The following GARRE1 variants were observed in gnomAD, a reference collection of about 807,000 sequenced individuals.
GARRE1 encodes granule associated Rac and RHOG effector protein 1.
A neutral mutation model predicts 103.2 loss-of-function variants in GARRE1; 49 were observed. The ratio of observed to expected loss-of-function variants is 0.47; its 90% confidence interval spans 0.38 to 0.60. The LOEUF is 0.60. Ranked by LOEUF, GARRE1 falls within the 20% of genes least tolerant of loss-of-function variation. GARRE1 has a pLI of 0.00. For synonymous variants in GARRE1, 505 were observed against 532.8 expected (o/e 0.95, Z 0.72); for missense variants, 1,199 against 1,370.5 (o/e 0.87, Z 1.98).
intron 1 of GARRE1, among the ~76,000 whole-genome samples, chr19:34,285,965 A>AGAC (rs543539864): frequency 1.3e-5 from 2 of 152,298 alleles, no homozygotes; most frequent in African/African-American, 4.8e-5. Context: ...ATACTTGAGC[A>AGAC]GTCTTGTTAG....
At chr19:34,333,666 GGTT>G (rs754059005) in intron 7 of GARRE1, 35 bp from the exon 8 acceptor site, 32 of 1,107,068 alleles carry the variant, frequency 2.9e-5, no homozygotes, top group South Asian at 2.7e-4. Context: ...TCTGAAAGCT[GGTT>G]GTTATTTGTT....
chr19:34,302,761 A>T (rs1053874699), intron 2 of GARRE1, among the ~76,000 whole-genome samples: 157 of 128,448 alleles, frequency 1.2e-3, no homozygotes, highest in African/African-American at 2.3e-3. Flanking sequence ...TTTTTTTTTT[A>T]AAAGACAGAG....
chr19:34,303,657 C>T (rs2073992181), intron 2 of GARRE1, among the ~76,000 whole-genome samples: 1 of 152,184 alleles, frequency 6.6e-6, no homozygotes, highest in South Asian at 2.1e-4. Flanking sequence ...ATCTTGTAGC[C>T]CAGGCTGGAG....
intron 7 of GARRE1, among the ~76,000 whole-genome samples, chr19:34,333,171 TGAGTA>T (rs1369799220): frequency 6.6e-6 from 1 of 152,150 alleles, no homozygotes; most frequent in African/African-American, 2.4e-5. Context: ...CTCAGCCTCC[TGAGTA>T]GCTTGGACTG....
At chr19:34,345,729 C>T (rs1407451134) in intron 10 of GARRE1, among the ~76,000 whole-genome samples, 3 of 152,080 alleles carry the variant, frequency 2.0e-5, no homozygotes, top group Non-Finnish European at 4.4e-5. Context: ...GGCTGAGGCA[C>T]GAGAATTACT....
rs74806098 is a variant in GARRE1, at chr19:34,332,511, G to A, written c.1264-1193G>A. 1.2e-3 allele frequency among the ~76,000 whole-genome samples: 175 copies of A among 152,116 alleles called. 3 individuals carry two copies. The East Asian group carries it at 0.024, about 21-fold the overall frequency. On this transcript the variant is annotated intron_variant, in intron 7 of 13. Transcript: ENST00000299505. ...CAGAAACTTCTTCCTAGTTCCTTGCGTCTTGATTGTAGGACACATTTCTGT... is the reference window on the plus strand; with the variant it reads ...CAGAAACTTCTTCCTAGTTCCTTGCATCTTGATTGTAGGACACATTTCTGT...
chr19:34,328,181 G>A (rs750035966), intron 6 of GARRE1, 30 bp downstream of exon 6: 17 of 1,606,488 alleles, frequency 1.1e-5, no homozygotes, highest in Middle Eastern at 1.8e-4. Flanking sequence ...CAGCAAATGA[G>A]TGTGAACTTG....
At chr19:34,318,089 T>G (rs1463686702) in intron 2 of GARRE1, among the ~76,000 whole-genome samples, 1 of 152,132 alleles carries the variant, frequency 6.6e-6, no homozygotes, top group East Asian at 1.9e-4. Context: ...TGTGTGCGGT[T>G]TTTTGTTTGC....
chr19:34,263,555 G>A (rs1288900983), intron 1 of GARRE1, among the ~76,000 whole-genome samples: 1 of 149,936 alleles, frequency 6.7e-6, no homozygotes, highest in Non-Finnish European at 1.5e-5. Context: ...TTGGCTCACT[G>A]CAACCTCCGC....
rs2074256912 is a variant in GARRE1 at position 34,354,172 on chromosome 19, A to G, written c.*1217A>G. The G allele has an allele frequency of 6.6e-6, 1 of 152,508 alleles. No individual in the cohort carries two copies. 9.4% of individuals were successfully genotyped at this position (152,508 alleles called of 1,614,324 possible). ...TTTCATCTTTGAAAAAGTCTGAGAA[A>G]AATCCATAATATTTTCTGGTATGAA... On this transcript the variant is annotated 3_prime_UTR_variant, in exon 14 of 14. Coordinates refer to ENST00000299505, the MANE Select transcript of GARRE1 (RefSeq NM_014686.5).
rs781001710 is a variant in GARRE1, at chr19:34,320,103, G to C, written c.692G>C (p.Arg231Pro). The stretch of plus-strand genomic sequence containing the variant: ...GTAGAGGAAGCTGTGCGGTCCTGGC[G>C]GGGGGCTGCTGAGGTAACCCTGGCT... ...PEVEEAVRSW[R>P]GAAEATSRLR... The change falls in exon 3 of 14, where the codon CGG becomes CCG. Residue 231 changes from arginine (R) to proline (P), a missense_variant. Arg to Pro is a moderately radical substitution (Grantham distance 103). Coordinates refer to ENST00000299505, the MANE Select transcript of GARRE1 (RefSeq NM_014686.5). 1 of 1,613,772 alleles carries C rather than the reference G, an allele frequency of 6.2e-7. No homozygotes were observed. Among genetic ancestry groups the C allele is most frequent in the Non-Finnish European group, 8.5e-7 (1 of 1,179,966 alleles).
Position 34,300,480 on chromosome 19 carries a change from T to C in GARRE1, c.7T>C (p.Cys3Arg). The C allele has an allele frequency of 6.4e-7, 1 of 1,568,872 alleles. No homozygotes were observed. The highest frequency in any genetic ancestry group is 8.7e-7 in the Non-Finnish European group (1 of 1,153,118). MY[C>R]CSAQDSKMDY... ...GGACAATTCCCCCTCCCGCATGTAT[T>C]GCTGCAGTGCCCAGGACAGTAAAAT... Residue 3 changes from cysteine to arginine, a missense_variant, in exon 2 of 14, where the codon TGC (cysteine) becomes CGC (arginine). Cys to Arg is a radical substitution (Grantham distance 180, BLOSUM62 -3). Coordinates refer to ENST00000299505, the MANE Select transcript of GARRE1 (RefSeq NM_014686.5).
chr19:34,307,779 A>AATATATATACATATATAGT (rs1460443948), intron 2 of GARRE1, among the ~76,000 whole-genome samples: 111 of 133,980 alleles, frequency 8.3e-4, no homozygotes, highest in Non-Finnish European at 1.2e-3. Context: ...TATACTATAA[A>AATATATATACATATATAGT]ATATATATAC....
At chr19:34,255,115 G>A (rs2073663332) in intron 1 of GARRE1, among the ~76,000 whole-genome samples, 1 of 152,050 alleles carries the variant, frequency 6.6e-6, no homozygotes. Context: ...CACCTTCCCG[G>A]CGGCGCCAGG....
chr19:34,301,849 A>AT (rs932683659), intron 2 of GARRE1, among the ~76,000 whole-genome samples: 2 of 150,834 alleles, frequency 1.3e-5, no homozygotes, highest in East Asian at 3.9e-4. Context: ...CACCCGGCTA[A>AT]TTTTTTCGTA....
At chr19:34,273,993 G>T (rs949071219) in intron 1 of GARRE1, among the ~76,000 whole-genome samples, 6 of 152,132 alleles carry the variant, frequency 3.9e-5, no homozygotes, top group African/African-American at 1.4e-4. Flanking sequence ...CCAGAGGGGA[G>T]TAGCCCAGGC....
In GARRE1 at chr19:34,264,343, C is replaced by T. The variant is rs535900813; in HGVS notation, c.-796+9729C>T. ...CTGAGGCAGGCAGAGGAGTCAGAAA[C>T]AGGACAAGAGCTTTGAGGAGGCCTG... is the stretch of plus-strand genomic sequence containing the variant. On this transcript the variant is annotated intron_variant, in intron 1 of 13. Coordinates refer to ENST00000299505, the MANE Select transcript of GARRE1 (RefSeq NM_014686.5). 2.0e-4 allele frequency among the ~76,000 whole-genome samples: 30 copies of T among 152,030 alleles called. No individual in the cohort carries two copies. The South Asian group carries it at 6.2e-3, about 32-fold the overall frequency.
chr19:34,305,373 T>G (rs184089829), intron 2 of GARRE1, among the ~76,000 whole-genome samples: 3 of 152,318 alleles, frequency 2.0e-5, no homozygotes, highest in East Asian at 3.9e-4. Context: ...AAGACAATAG[T>G]TAGGAACACT....
intron 1 of GARRE1, among the ~76,000 whole-genome samples, chr19:34,299,337 A>G (rs564120225): frequency 2.6e-5 from 4 of 152,304 alleles, no homozygotes; most frequent in African/African-American, 9.6e-5. Flanking sequence ...CCATAATCTG[A>G]GTACTCATGT....
Sources: gnomAD v4.1 joint callset for allele counts (sites outside exome capture counted in the v4.1 genomes callset) on GRCh38, gnomAD v4.1.1 for gene constraint, MANE v1.5 for transcripts, NCBI Gene and HGNC (gene_info 2026-07-23, HGNC 2026-07-21) for gene names.